The following BTBD9 variants were observed in gnomAD, a reference collection of about 807,000 sequenced individuals.
The protein encoded by BTBD9 is BTB/POZ domain-containing protein 9.
In BTBD9, 49 loss-of-function variants were observed where a neutral mutation model predicts 64.3. The observed-to-expected ratio is 0.76, with a 90% CI of 0.61 to 0.97. The LOEUF (loss-of-function observed/expected upper bound fraction) is 0.97, where lower values mean the gene tolerates loss of function less well. Ranked by LOEUF, BTBD9 falls within the 50% of genes least tolerant of loss-of-function variation. The pLI is 0.00. For missense variants in BTBD9, 598 were observed against 762.1 expected, an observed-to-expected ratio of 0.78 and a Z score of 2.53; for synonymous variants, 260 against 274.7, an observed-to-expected ratio of 0.95 and a Z score of 0.53.
intron 1 of BTBD9, among the ~76,000 whole-genome samples, chr6:38,631,177 A>C (rs542608282): frequency 2.1e-4 from 32 of 152,366 alleles, no homozygotes; most frequent in African/African-American, 7.5e-4. Flanking sequence ...AATCCACAAC[A>C]AATCTGTAAT....
intron 9 of BTBD9, among the ~76,000 whole-genome samples, chr6:38,218,635 T>C (rs1213408989): frequency 6.6e-6 from 1 of 152,232 alleles, no homozygotes; most frequent in African/African-American, 2.4e-5. Flanking sequence ...CTGACTTTCC[T>C]GGTCTGGAAT....
chr6:38,366,803 T>C (rs546920146), intron 6 of BTBD9, among the ~76,000 whole-genome samples: 1 of 152,316 alleles, frequency 6.6e-6, no homozygotes, highest in East Asian at 1.9e-4. Flanking sequence ...TCACTAGGAA[T>C]AGAAAGAAGA....
chr6:38,308,912 T>C (rs896807219), intron 7 of BTBD9, among the ~76,000 whole-genome samples: 7 of 149,790 alleles, frequency 4.7e-5, no homozygotes, highest in African/African-American at 1.7e-4. Flanking sequence ...CCTGAGCCAC[T>C]GCGCCTGGGC....
chr6:38,584,007 A>G (rs1354876329), intron 4 of BTBD9, among the ~76,000 whole-genome samples: 3 of 152,110 alleles, frequency 2.0e-5, no homozygotes, highest in Non-Finnish European at 4.4e-5. Flanking sequence ...GTCTATCAGT[A>G]GAGAAAAAAA....
chr6:38,464,005 C>T (rs550456575), intron 6 of BTBD9, among the ~76,000 whole-genome samples: 1 of 152,152 alleles, frequency 6.6e-6, no homozygotes, highest in South Asian at 2.1e-4. Context: ...GCACTCCAGC[C>T]TGGGGAACAA....
At chr6:38,274,478 C>T (rs1034555565) in intron 8 of BTBD9, among the ~76,000 whole-genome samples, 4 of 152,044 alleles carry the variant, frequency 2.6e-5, no homozygotes, top group Non-Finnish European at 5.9e-5. Context: ...GGGAATGCTT[C>T]CAGTTTTTGC....
At chr6:38,342,061 CTTATG>C (rs1026856506) in intron 7 of BTBD9, among the ~76,000 whole-genome samples, 4 of 152,140 alleles carry the variant, frequency 2.6e-5, no homozygotes, top group Admixed American at 2.6e-4. Flanking sequence ...CTTAATTTTA[CTTATG>C]TTATTTCCTG....
At chr6:38,461,456 A>G (rs1398187944) in intron 6 of BTBD9, among the ~76,000 whole-genome samples, 1 of 152,244 alleles carries the variant, frequency 6.6e-6, no homozygotes, top group Middle Eastern at 3.2e-3. Flanking sequence ...TTTGCTCAAC[A>G]TAATTATTCT....
chr6:38,602,123 T>C (rs954390113), intron 1 of BTBD9, among the ~76,000 whole-genome samples: 3 of 152,184 alleles, frequency 2.0e-5, no homozygotes, highest in African/African-American at 7.2e-5. Context: ...CGTAACCATA[T>C]TGTAAGTCTA....
intron 9 of BTBD9, among the ~76,000 whole-genome samples, chr6:38,250,565 T>C (rs1250423830): frequency 6.6e-6 from 1 of 152,172 alleles, no homozygotes; most frequent in Non-Finnish European, 1.5e-5. Flanking sequence ...TTCTTAGTGT[T>C]TTTCCCTTTT....
intron 3 of BTBD9, 54 bp from the exon 4 acceptor site, chr6:38,592,894 G>C: frequency 6.4e-7 from 1 of 1,562,950 alleles, no homozygotes; most frequent in Admixed American, 1.7e-5. Flanking sequence ...ACCACTGCAT[G>C]ACCAATCAGT....
chr6:38,466,869 T>C (rs1000050509), intron 6 of BTBD9, among the ~76,000 whole-genome samples: 2 of 152,180 alleles, frequency 1.3e-5, no homozygotes, highest in Non-Finnish European at 2.9e-5. Flanking sequence ...TGAGCCACCG[T>C]ACCCTTCCTC....
rs147046094 is a variant in BTBD9 at position 38,434,610 on chromosome 6, C to T, written c.1155-89517G>A. Among the ~76,000 whole-genome samples the T allele has an allele frequency of 1.5e-3, 230 of 152,006 alleles. 4 individuals carry two copies. Among genetic ancestry groups the T allele is most frequent in the African/African-American group, 5.2e-3 (215 of 41,298 alleles). Reference sequence around the variant, plus strand: ...TCAGGGTCTCCTGAGGGCTGTGTCACGGGCCAAGGTCACTCATATTTGGCT... The same window carrying T: ...TCAGGGTCTCCTGAGGGCTGTGTCATGGGCCAAGGTCACTCATATTTGGCT... On this transcript the variant is annotated intron_variant, in intron 6 of 10. Transcript: ENST00000481247.
At chr6:38,328,966 A>ATATGTGTGTG (rs1167301953) in intron 7 of BTBD9, among the ~76,000 whole-genome samples, 1 of 93,032 alleles carries the variant, frequency 1.1e-5, no homozygotes, top group Non-Finnish European at 2.0e-5. Flanking sequence ...AAGAAAGAAA[A>ATATGTGTGTG]TATGTGTGTG....
chr6:38,365,611 T>C lies in BTBD9; in HGVS notation c.1155-20518A>G, dbSNP rs186845019. ...CAAAAATTTTAAAAATAAGAAAATT[T>C]GCAGGGCGTGGTGGCACACGCCTAT... is the stretch of plus-strand genomic sequence containing the variant. On this transcript the variant is annotated intron_variant, in intron 6 of 10. Transcript: ENST00000481247. Among the ~76,000 whole-genome samples, 80 of 151,990 alleles carry C rather than the reference T, an allele frequency of 5.3e-4. No homozygotes were observed. The East Asian group carries it at 0.014, about 26-fold the overall frequency.
intron 1 of BTBD9, among the ~76,000 whole-genome samples, chr6:38,615,989 G>C (rs1004871410): frequency 3.9e-5 from 6 of 152,152 alleles, no homozygotes; most frequent in Non-Finnish European, 5.9e-5. Flanking sequence ...GAGTGGGCAG[G>C]ACCTGGAAAT....
chr6:38,548,365 T>A (rs1027625418), intron 6 of BTBD9, among the ~76,000 whole-genome samples: 1 of 152,258 alleles, frequency 6.6e-6, no homozygotes, highest in East Asian at 1.9e-4. Flanking sequence ...CTATTACGTA[T>A]GCTTTGTAAT....
chr6:38,578,533 T>C (rs1427520644), intron 5 of BTBD9, among the ~76,000 whole-genome samples: 1 of 152,194 alleles, frequency 6.6e-6, no homozygotes, highest in Non-Finnish European at 1.5e-5. Context: ...ATAAATGTCA[T>C]CCTGCAACCC....
At chr6:38,618,738 G>C (rs1233285785) in intron 1 of BTBD9, among the ~76,000 whole-genome samples, 3 of 152,192 alleles carry the variant, frequency 2.0e-5, no homozygotes, top group African/African-American at 7.2e-5. Flanking sequence ...ATATCCTATA[G>C]GGTCTAGGGC....
Sources: gnomAD v4.1 joint callset for allele counts (sites outside exome capture counted in the v4.1 genomes callset) on GRCh38, gnomAD v4.1.1 for gene constraint, MANE v1.5 for transcripts, NCBI Gene and HGNC (gene_info 2026-07-23, HGNC 2026-07-21) for gene names.